Variants in MBD5 observed in about 807,000 individuals in gnomAD.
The protein encoded by MBD5 is methyl-CpG binding domain protein 5.
A neutral mutation model predicts 117.3 loss-of-function variants in MBD5; 13 were observed. The ratio of observed to expected loss-of-function variants is 0.11; its 90% CI spans 0.07 to 0.18. The LOEUF is 0.18. Among genes scored for constraint, MBD5 ranks in the 10% least tolerant of loss-of-function variants. MBD5 has a pLI of 1.00. For missense variants in MBD5, 1,879 were observed against 2,093.8 expected (o/e 0.90, Z 2.00); for synonymous variants, 727 against 766.4 (o/e 0.95, Z 0.85).
At chr2:148,243,570 G>A (rs988708438) in intron 3 of MBD5, 2 of 151,492 alleles carry the variant, frequency 1.3e-5, no homozygotes, top group African/African-American at 4.9e-5. Context: ...AAATAATAAA[G>A]CTATCTTGTT....
At chr2:148,313,650 G>A (rs570787205) in intron 3 of MBD5, among the ~76,000 whole-genome samples, 5 of 152,238 alleles carry the variant, frequency 3.3e-5, no homozygotes, top group Non-Finnish European at 5.9e-5. Context: ...GGGAGTGAAC[G>A]GTTCTGTCTC....
Position 148,270,270 on chromosome 2 carries a change from C to G in MBD5, c.-680+36875C>G, listed in dbSNP as rs374215049. Among the ~76,000 whole-genome samples the G allele has an allele frequency of 6.6e-5, 10 of 152,244 alleles. No individual in the cohort carries two copies. In the East Asian group the frequency reaches 9.6e-4, roughly 15 times the overall value. On this transcript the variant is annotated intron_variant, in intron 3 of 13. Transcript: ENST00000642680. Reference sequence around the variant, plus strand: ...TGCATGACATTAGCCTTATATTTTGCAAGCCCTAAATATCAAAGGTGATTT... The same window carrying G: ...TGCATGACATTAGCCTTATATTTTGGAAGCCCTAAATATCAAAGGTGATTT...
chr2:148,408,107 T>C (rs1434240277), intron 4 of MBD5, among the ~76,000 whole-genome samples: 1 of 152,116 alleles, frequency 6.6e-6, no homozygotes, highest in African/African-American at 2.4e-5. Context: ...ACATCCCAAT[T>C]GATGTTAAAA....
chr2:148,035,999 C>G (rs1450880552), intron 1 of MBD5, among the ~76,000 whole-genome samples: 3 of 152,196 alleles, frequency 2.0e-5, no homozygotes, highest in South Asian at 4.1e-4. Flanking sequence ...TATGGTAAAT[C>G]TTTAACTTGG....
intron 4 of MBD5, among the ~76,000 whole-genome samples, chr2:148,352,141 C>A (rs1213476609): frequency 6.6e-6 from 1 of 152,016 alleles, no homozygotes; most frequent in Non-Finnish European, 1.5e-5. Flanking sequence ...AGGCTCTGGA[C>A]AAAGTAGCTT....
intron 4 of MBD5, among the ~76,000 whole-genome samples, chr2:148,423,729 T>A (rs563070843): frequency 3.6e-4 from 55 of 152,182 alleles, no homozygotes; most frequent in Admixed American, 9.8e-4. Context: ...ACAGACTAAG[T>A]GCCCCAATTA....
intron 2 of MBD5, among the ~76,000 whole-genome samples, chr2:148,201,171 C>T (rs1699130004): frequency 6.6e-6 from 1 of 152,150 alleles, no homozygotes; most frequent in African/African-American, 2.4e-5. Context: ...GCATGGATCC[C>T]ACGGCTCCTG....
At chr2:148,199,738 T>A (rs1425297948) in intron 2 of MBD5, among the ~76,000 whole-genome samples, 4 of 151,904 alleles carry the variant, frequency 2.6e-5, no homozygotes, top group African/African-American at 9.7e-5. Context: ...CCAGCCTGGG[T>A]GACAGAGTAA....
In MBD5 at chr2:148,490,577, A is replaced by G; in HGVS notation, c.4945A>G (p.Ser1649Gly). The G allele has an allele frequency of 6.2e-7, 1 of 1,614,228 alleles. No homozygotes were observed. The highest frequency in any genetic ancestry group is 8.5e-7 in the Non-Finnish European group (1 of 1,180,042). Residue 1649 changes from serine to glycine, a missense_variant, in exon 11 of 14, where the codon AGC becomes GGC. This residue lies in a region of MBD5 where 135 missense variants were observed against 148.0 expected (regional missense o/e 0.91). Coordinates refer to ENST00000642680, the MANE Select transcript of MBD5 (RefSeq NM_001378120.1). ...CGACGTTCACAATTCATGTCAACAAAGCCCCGAGGAAGGGAAGGTATACCA... is the reference window on the plus strand; with the variant it reads ...CGACGTTCACAATTCATGTCAACAAGGCCCCGAGGAAGGGAAGGTATACCA... The part of the protein sequence containing the change: ...EDDVHNSCQQ[S>G]PEEGKVEPEK...
At chr2:148,398,150 C>G (rs868201161) in intron 4 of MBD5, among the ~76,000 whole-genome samples, 4 of 152,170 alleles carry the variant, frequency 2.6e-5, no homozygotes, top group Middle Eastern at 3.4e-3. Flanking sequence ...ATGTTTTATA[C>G]TCCTTTGGGT....
At chr2:148,110,269 A>C (rs1696476582) in intron 1 of MBD5, among the ~76,000 whole-genome samples, 1 of 152,190 alleles carries the variant, frequency 6.6e-6, no homozygotes, top group South Asian at 2.1e-4. Context: ...GCCAGAATTC[A>C]GTCTAGGTTT....
intron 3 of MBD5, among the ~76,000 whole-genome samples, chr2:148,303,824 C>G (rs1701828843): frequency 6.6e-6 from 1 of 151,870 alleles, no homozygotes; most frequent in Admixed American, 6.6e-5. Context: ...TTTTTGTTAT[C>G]AAAAATTATT....
chr2:148,327,016 T>A (rs1211469688), intron 3 of MBD5, among the ~76,000 whole-genome samples: 2 of 152,010 alleles, frequency 1.3e-5, no homozygotes, highest in African/African-American at 4.8e-5. Flanking sequence ...TCAGGAGCTC[T>A]TTTAGGGAAG....
intron 4 of MBD5, among the ~76,000 whole-genome samples, chr2:148,439,627 T>C (rs149307960): frequency 6.6e-6 from 1 of 152,272 alleles, no homozygotes; most frequent in East Asian, 1.9e-4. Context: ...AATAGTGTAT[T>C]TGTGGTAACC....
Position 148,181,719 on chromosome 2 carries a change from C to G in MBD5, c.-831+2926C>G, listed in dbSNP as rs543140390. Among the ~76,000 whole-genome samples the G allele has an allele frequency of 1.8e-4, 27 of 151,970 alleles. No homozygotes were observed. In the East Asian group the frequency reaches 5.0e-3, roughly 28 times the overall value. Reference sequence around the variant, plus strand: ...GTTTTATAGGAATTTGTTGTATGTGCTCGATATTAATTTCCTATCAGTTTA... The same window carrying G: ...GTTTTATAGGAATTTGTTGTATGTGGTCGATATTAATTTCCTATCAGTTTA... On this transcript the variant is annotated intron_variant, in intron 2 of 13. Coordinates refer to ENST00000642680, the MANE Select transcript of MBD5 (RefSeq NM_001378120.1).
rs549395633 is a variant in MBD5 at position 148,489,407 on chromosome 2, G to A, written c.3775G>A (p.Ala1259Thr). The A allele has an allele frequency of 5.0e-6, 8 of 1,614,080 alleles. No individual in the cohort carries two copies. In the East Asian group the frequency reaches 1.6e-4, roughly 31 times the overall value. ...NFQVRMQEDAALLNKRISTQP... is the reference protein window; with the variant it reads ...NFQVRMQEDATLLNKRISTQP... ...CAAGGTGAGAATGCAGGAAGATGCA[G>A]CTCTCCTAAACAAAAGAATAAGCAC... is the stretch of plus-strand genomic sequence containing the variant. The change falls in exon 11 of 14, where the codon GCT (alanine) becomes ACT (threonine). Residue 1259 changes from alanine to threonine, a missense_variant. Physicochemically the swap from Ala to Thr is moderately conservative, Grantham distance 58. Around this residue, in one of 4 missense-constraint regions of MBD5, gnomAD observed 1,666 missense variants for 1,792.2 expected, o/e 0.93. Coordinates refer to ENST00000642680, the MANE Select transcript of MBD5 (RefSeq NM_001378120.1).
At chr2:148,066,504 T>G (rs1234400) in intron 1 of MBD5, among the ~76,000 whole-genome samples, 19,031 of 148,946 alleles carry the variant, frequency 0.13, 1,240 homozygotes, top group African/African-American at 0.2. Flanking sequence ...TTTTTTTTGT[T>G]GAGACAGAGT....
intron 2 of MBD5, among the ~76,000 whole-genome samples, chr2:148,212,208 A>G (rs1699440425): frequency 1.3e-5 from 2 of 152,148 alleles, no homozygotes; most frequent in African/African-American, 2.4e-5. Flanking sequence ...CTCACTCCAA[A>G]AAGAAACCCT....
intron 4 of MBD5, among the ~76,000 whole-genome samples, chr2:148,457,124 T>G (rs1044331262): frequency 1.3e-5 from 2 of 152,198 alleles, no homozygotes; most frequent in East Asian, 3.9e-4. Context: ...TGATTTCAAT[T>G]TAATACTTTC....
Sources: allele counts gnomAD v4.1 joint callset (sites outside exome capture counted in the v4.1 genomes callset), GRCh38; gene constraint gnomAD v4.1.1; regional missense constraint gnomAD v4.1.1; transcripts MANE v1.5; gene names NCBI Gene and HGNC (gene_info 2026-07-23, HGNC 2026-07-21).